The following HHIPL1 variants were observed in gnomAD, a reference collection of about 807,000 sequenced individuals.
The protein encoded by HHIPL1 is HHIP like 1, also known as HHIP-like protein 1.
In HHIPL1, 43 loss-of-function variants were observed where a neutral mutation model predicts 61.8. That is an observed-to-expected ratio of 0.70 (90% CI 0.55 to 0.90). The LOEUF is 0.90. HHIPL1 is among the 40% of genes least tolerant of loss of function. HHIPL1 has a pLI of 0.00. For missense variants in HHIPL1, 1,056 were observed against 1,157.7 expected (o/e 0.91, Z 1.28); for synonymous variants, 482 against 515.8 (o/e 0.93, Z 0.89).
At position 99,659,741 on chromosome 14, in the gene HHIPL1, G is replaced by A. The variant is rs754475370; in HGVS notation, c.1360G>A (p.Ala454Thr). Residue 454 changes from alanine to threonine, a missense_variant, in exon 4 of 9, where the codon GCC becomes ACC. Transcript: ENST00000330710. ...GFECYDRSLC[A>T]NTSLNDLLPI... ...CGAGTGCTACGACCGCAGCCTGTGC[G>A]CCAACACCTCTCTCAGTGAGTGCCC... The A allele has an allele frequency of 2.8e-6, 4 of 1,435,034 alleles. No homozygotes were observed. The highest frequency in any genetic ancestry group is 1.5e-5 in the South Asian group (1 of 67,020). The allele number at this position is 1,435,034 out of a possible 1,614,324, so 88.9% of individuals were successfully genotyped here. A position where few individuals can be genotyped will look rare whatever the true frequency, so the allele number is the denominator to read the frequency against.
chr14:99,659,445 A>G lies in HHIPL1; in HGVS notation c.1064A>G (p.Lys355Arg). ...NAQNKSALLG[K>R]VLRIDVDRKE... ...GCCCGCAGGTCGGCGCTGCTGGGCA[A>G]GGTGCTGCGCATCGACGTGGACCGT... The change falls in exon 4 of 9, where the codon AAG becomes AGG. Residue 355 changes from lysine (K) to arginine (R), a missense_variant. Coordinates refer to ENST00000330710, the MANE Select transcript of HHIPL1 (RefSeq NM_001127258.3). The G allele has an allele frequency of 6.8e-7, 1 of 1,478,930 alleles. No individual in the cohort carries two copies. 91.6% of individuals were successfully genotyped at this position (1,478,930 alleles called of 1,614,324 possible).
the HHIPL1 span, among the ~76,000 whole-genome samples, chr14:99,613,871 G>A: frequency 2.6e-5 from 4 of 151,970 alleles, no homozygotes; most frequent in Admixed American, 6.6e-5. Context: ...AGATCATGCC[G>A]TTGCACTACA....
intron 1 of HHIPL1, among the ~76,000 whole-genome samples, chr14:99,646,782 AATATAATATAATATGATATG>A (rs1339028579): frequency 3.4e-5 from 3 of 87,140 alleles, no homozygotes; most frequent in African/African-American, 2.0e-4. Flanking sequence ...TCAAAAATAT[AATATAATATAATATGATATG>A]ATATGATATG....
At chr14:99,669,215 G>A (rs936181586) in intron 7 of HHIPL1, 1 of 1,220,896 alleles carries the variant, frequency 8.2e-7, no homozygotes. Context: ...CCCAGGTGCT[G>A]GGAATGGCAC....
Position 99,645,373 on chromosome 14 carries a change from C to G in HHIPL1, c.166C>G (p.Leu56Val). Reference sequence around the variant, plus strand: ...CTGCGATGAGGGGCGCGACGCCGAGCTGACCCGCCGCTTCTGGGCCCTGGC... The same window carrying G: ...CTGCGATGAGGGGCGCGACGCCGAGGTGACCCGCCGCTTCTGGGCCCTGGC... ...GCCDEGRDAE[L>V]TRRFWALASR... is the part of the protein sequence containing the mutation. The change falls in exon 1 of 9, where the codon CTG (leucine) becomes GTG (valine). Residue 56 changes from leucine (L) to valine (V), a missense_variant. Physicochemically the swap from Leu to Val is conservative, Grantham distance 32. Transcript: ENST00000330710. 6.9e-7 allele frequency: 1 copy of G among 1,439,672 alleles called. No individual in the cohort carries two copies. Among genetic ancestry groups the G allele is most frequent in the Non-Finnish European group, 9.1e-7 (1 of 1,099,942 alleles). 89.2% of individuals were successfully genotyped at this position (1,439,672 alleles called of 1,614,324 possible). A position where few individuals can be genotyped will look rare whatever the true frequency, so the allele number is the denominator to read the frequency against.
chr14:99,666,812 C>T (rs1308344782), intron 6 of HHIPL1, among the ~76,000 whole-genome samples: 1 of 152,208 alleles, frequency 6.6e-6, no homozygotes, highest in Non-Finnish European at 1.5e-5. Flanking sequence ...CCCCGACCTC[C>T]CCAGTGGGAC....
At chr14:99,645,621 G>A (rs1452792738) in intron 1 of HHIPL1, among the ~76,000 whole-genome samples, 159 bp downstream of exon 1, 6 of 152,364 alleles carry the variant, frequency 3.9e-5, no homozygotes, top group Admixed American at 2.6e-4. Context: ...GGGAGACCGC[G>A]CATCCCAGGA....
the HHIPL1 span, among the ~76,000 whole-genome samples, chr14:99,605,318 C>T: frequency 6.8e-6 from 1 of 148,134 alleles, no homozygotes; most frequent in African/African-American, 2.5e-5. Context: ...GTAAGTCTGT[C>T]TCGTTATCCT....
the HHIPL1 span, among the ~76,000 whole-genome samples, chr14:99,614,252 G>C: frequency 6.6e-6 from 1 of 152,194 alleles, no homozygotes; most frequent in African/African-American, 2.4e-5. Context: ...AGTCCTGTGG[G>C]TGCCCCGGAG....
upstream of HHIPL1, among the ~76,000 whole-genome samples, chr14:99,643,514 C>T (rs1318609186): frequency 6.6e-6 from 1 of 152,230 alleles, no homozygotes; most frequent in African/African-American, 2.4e-5. Flanking sequence ...GAGCCCAAAC[C>T]TCATGGCTGT....
chr14:99,611,495 A>G, the HHIPL1 span, among the ~76,000 whole-genome samples: 1 of 151,870 alleles, frequency 6.6e-6, no homozygotes, highest in African/African-American at 2.4e-5. Flanking sequence ...CATGTTGGTC[A>G]GGCTGGTCTC....
chr14:99,642,568 C>T (rs2055765976), upstream of HHIPL1, among the ~76,000 whole-genome samples: 1 of 151,792 alleles, frequency 6.6e-6, no homozygotes, highest in African/African-American at 2.4e-5. Context: ...CTCTGTCACC[C>T]AGGCTGGAGT....
At chr14:99,647,032 G>A (rs1027049549) in intron 1 of HHIPL1, among the ~76,000 whole-genome samples, 2 of 152,140 alleles carry the variant, frequency 1.3e-5, no homozygotes, top group African/African-American at 4.8e-5. Context: ...TCCAGGTGAG[G>A]CTTGGAGCCC....
At chr14:99,647,130 C>T (rs919883822) in intron 1 of HHIPL1, among the ~76,000 whole-genome samples, 23 of 152,060 alleles carry the variant, frequency 1.5e-4, no homozygotes, top group Non-Finnish European at 2.5e-4. Context: ...GGACCACACT[C>T]GCTGAAGCGA....
In HHIPL1 at chr14:99,672,355, A is replaced by T; in HGVS notation, c.1769A>T (p.Gln590Leu). The T allele has an allele frequency of 6.4e-7, 1 of 1,551,262 alleles. No individual in the cohort carries two copies. Residue 590 changes from glutamine to leucine, a missense_variant, in exon 8 of 9, where the codon CAG becomes CTG. Gln to Leu is a moderately radical substitution (Grantham distance 113, BLOSUM62 -2). Coordinates refer to ENST00000330710, the MANE Select transcript of HHIPL1 (RefSeq NM_001127258.3). The part of the protein sequence containing the change: ...PPGKCQIQPA[Q>L]VKIRSRLIPF... ...GGCAAATGTCAGATCCAGCCTGCTC[A>T]GGTGAAGATCAGAAGCCGTCTCATC...
At position 99,659,656 on chromosome 14, in the gene HHIPL1, C is replaced by T. The variant is rs1408241839; in HGVS notation, c.1275C>T (p.Phe425=). The T allele has an allele frequency of 1.3e-5, 20 of 1,547,238 alleles. No homozygotes were observed. The highest frequency in any genetic ancestry group is 1.6e-5 in the Non-Finnish European group (18 of 1,151,036). The change falls in exon 4 of 9, where the codon TTC becomes TTT. Residue 425 remains phenylalanine (F), a synonymous_variant. Coordinates refer to ENST00000330710, the MANE Select transcript of HHIPL1 (RefSeq NM_001127258.3). ...GCGGCGACGTGGGCCAGAACAAGTTCGAGGAGGTGGACGTGGTGGAGCGCG... is the reference window on the plus strand; with the variant it reads ...GCGGCGACGTGGGCCAGAACAAGTTTGAGGAGGTGGACGTGGTGGAGCGCG... ...LFCGDVGQNK[F]EEVDVVERGG... is the part of the protein sequence containing the mutation.
rs2056401490 is a variant in HHIPL1, at chr14:99,677,341, G to T, written c.*1715G>T. On this transcript the variant is annotated 3_prime_UTR_variant, in exon 9 of 9. Coordinates refer to ENST00000330710, the MANE Select transcript of HHIPL1 (RefSeq NM_001127258.3). The surrounding 1 kb of genome is among the most constrained non-coding windows in gnomAD (Gnocchi z 4.3). ...CAGAGAGCGGTGTGCTGGGGCTCCT[G>T]CCTGGTGTGGGAGTGCCAGCCTGGC... The T allele has an allele frequency of 6.6e-6, 1 of 152,262 alleles. No homozygotes were observed. Among genetic ancestry groups the T allele is most frequent in the African/African-American group, 2.4e-5 (1 of 41,440 alleles). 9.4% of individuals were successfully genotyped at this position (152,262 alleles called of 1,614,324 possible).
chr14:99,616,011 A>G, the HHIPL1 span, among the ~76,000 whole-genome samples: 2 of 152,234 alleles, frequency 1.3e-5, no homozygotes, highest in Admixed American at 6.5e-5. Flanking sequence ...AGGAAATCCA[A>G]TCAGGCCATA....
Position 99,668,852 on chromosome 14 carries a change from T to C in HHIPL1, c.1730+549T>C, listed in dbSNP as rs748525920. ...TCTAGCTGTAAGGCCAGAAGCGCCA[T>C]GCCCGGCTATGTCCCAGCTCCTTCC... On this transcript the variant is annotated intron_variant, in intron 7 of 8. Transcript: ENST00000330710. The surrounding 1 kb of genome is among the most constrained non-coding windows in gnomAD (Gnocchi z 4.7). 6.2e-7 allele frequency: 1 copy of C among 1,613,880 alleles called. No individual in the cohort carries two copies.
Sources: allele counts gnomAD v4.1 joint callset (sites outside exome capture counted in the v4.1 genomes callset), GRCh38; gene constraint gnomAD v4.1.1; non-coding constraint Gnocchi (gnomAD v3.1); transcripts MANE v1.5; gene names NCBI Gene and HGNC (gene_info 2026-07-23, HGNC 2026-07-21).